EYS: variants seen among roughly 807,000 people sequenced by gnomAD.
EYS encodes protein eyes shut homolog.
EYS carries 250 observed loss-of-function variants against 282.1 expected under a neutral mutation model. The observed-to-expected ratio is 0.89, with a 90% confidence interval of 0.80 to 0.98. The LOEUF (loss-of-function observed/expected upper bound fraction) is 0.98. Ranked by LOEUF, EYS falls within the 50% of genes least tolerant of loss-of-function variation. The pLI, the probability that EYS is intolerant of heterozygous loss-of-function variation, is 0.00. For synonymous variants in EYS, 1,355 were observed against 1,282.9 expected, an observed-to-expected ratio of 1.06 and a Z score of -1.20; for missense variants, 4,016 against 3,709.0, an observed-to-expected ratio of 1.08 and a Z score of -2.15.
intron 2 of EYS, among the ~76,000 whole-genome samples, chr6:65,586,750 C>T (rs1765062394): frequency 6.6e-6 from 1 of 151,952 alleles, no homozygotes. Context: ...AAAATAAACC[C>T]ATTGACATAT....
At chr6:65,688,414 C>T (rs1277989876) in intron 1 of EYS, among the ~76,000 whole-genome samples, 1 of 152,100 alleles carries the variant, frequency 6.6e-6, no homozygotes, top group Non-Finnish European at 1.5e-5. Flanking sequence ...CTTCCTTACA[C>T]CTTATACAAA....
At chr6:63,754,403 T>C (rs1168797121) in intron 41 of EYS, among the ~76,000 whole-genome samples, 1 of 152,122 alleles carries the variant, frequency 6.6e-6, no homozygotes, top group African/African-American at 2.4e-5. Context: ...CCATGTGTTC[T>C]CATTGTTCAG....
intron 12 of EYS, among the ~76,000 whole-genome samples, chr6:65,071,711 A>C (rs1413576670): frequency 6.6e-6 from 1 of 151,862 alleles, no homozygotes; most frequent in Non-Finnish European, 1.5e-5. Flanking sequence ...GATAATTCTT[A>C]AATAGATGTG....
intron 2 of EYS, among the ~76,000 whole-genome samples, chr6:65,584,418 C>T (rs115923232): frequency 0.011 from 1,637 of 151,934 alleles, 23 homozygotes; most frequent in African/African-American, 0.025. Context: ...CTAGAACAGG[C>T]GGTATTTATG....
intron 26 of EYS, among the ~76,000 whole-genome samples, chr6:64,540,991 C>T (rs1040418564): frequency 2.0e-5 from 3 of 152,180 alleles, no homozygotes; most frequent in East Asian, 1.9e-4. Context: ...TGTTGCTCCA[C>T]GGCGGCTGAG....
intron 10 of EYS, among the ~76,000 whole-genome samples, chr6:65,342,086 C>T (rs1770218471): frequency 6.6e-6 from 1 of 150,940 alleles, no homozygotes; most frequent in Non-Finnish European, 1.5e-5. Context: ...TTGGCTTAAT[C>T]CTAAAGTTCT....
chr6:64,968,945 C>G (rs1030913070), intron 14 of EYS, among the ~76,000 whole-genome samples: 2 of 152,180 alleles, frequency 1.3e-5, no homozygotes, highest in African/African-American at 4.8e-5. Flanking sequence ...TTCAAGATAT[C>G]TCTAATGAGG....
At chr6:64,754,737 A>G (rs1772877621) in intron 22 of EYS, among the ~76,000 whole-genome samples, 1 of 152,154 alleles carries the variant, frequency 6.6e-6, no homozygotes. Flanking sequence ...GCATCTGATG[A>G]AATTCAGAAT....
chr6:64,901,227 C>T (rs1018342545), intron 18 of EYS, among the ~76,000 whole-genome samples: 3 of 147,652 alleles, frequency 2.0e-5, no homozygotes, highest in African/African-American at 7.6e-5. Context: ...ACATCACATA[C>T]TGGGGCCTGT....
intron 7 of EYS, among the ~76,000 whole-genome samples, chr6:65,397,880 G>A (rs960594784): frequency 6.6e-6 from 1 of 151,922 alleles, no homozygotes; most frequent in South Asian, 2.1e-4. Context: ...TCAACAGTGT[G>A]TAAGCATACC....
Position 64,686,890 on chromosome 6 carries a change from C to T in EYS, c.3444-60645G>A, listed in dbSNP as rs1329848286. 9.1e-3 allele frequency among the ~76,000 whole-genome samples: 528 copies of T among 57,852 alleles called. 182 individuals are homozygous for T. The highest frequency in any genetic ancestry group is 0.021 in the Non-Finnish European group (423 of 20,538). The allele number at this position is 57,852 out of a possible 152,430, so 38.0% of individuals were successfully genotyped here. On this transcript the variant is annotated intron_variant, in intron 22 of 42. Coordinates refer to ENST00000503581, the MANE Select transcript of EYS (RefSeq NM_001142800.2). ...ATACGTGTATATATATATACACACA[C>T]ATATATATGTGTATATATATACACA... is the stretch of plus-strand genomic sequence containing the variant.
chr6:64,009,548 T>C (rs950434686), intron 33 of EYS, among the ~76,000 whole-genome samples: 68 of 152,170 alleles, frequency 4.5e-4, no homozygotes, highest in African/African-American at 1.6e-3. Flanking sequence ...CCTCCGAAAG[T>C]GCTGGGATTA....
At chr6:64,656,063 C>T (rs1462863888) in intron 22 of EYS, among the ~76,000 whole-genome samples, 1 of 152,106 alleles carries the variant, frequency 6.6e-6, no homozygotes. Context: ...TTATGAACAA[C>T]ATTCAAGTAG....
intron 12 of EYS, among the ~76,000 whole-genome samples, chr6:65,061,694 A>T: frequency 6.6e-6 from 1 of 151,808 alleles, no homozygotes; most frequent in Non-Finnish European, 1.5e-5. Flanking sequence ...TTTCCTTTTA[A>T]TTGTTTAACT....
At chr6:64,010,754 A>G (rs1259446297) in intron 33 of EYS, among the ~76,000 whole-genome samples, 1 of 152,096 alleles carries the variant, frequency 6.6e-6, no homozygotes, top group Non-Finnish European at 1.5e-5. Context: ...ATCTTTTGAC[A>G]CTGAAACCGG....
At chr6:64,113,290 T>C (rs1426001974) in intron 31 of EYS, among the ~76,000 whole-genome samples, 1 of 152,188 alleles carries the variant, frequency 6.6e-6, no homozygotes, top group Non-Finnish European at 1.5e-5. Context: ...ACTGCAGTAC[T>C]ATAACATAGG....
intron 35 of EYS, among the ~76,000 whole-genome samples, chr6:63,934,979 C>G (rs1008345232): frequency 6.6e-6 from 1 of 152,106 alleles, no homozygotes; most frequent in Non-Finnish European, 1.5e-5. Context: ...TCCAGAAACA[C>G]AGCCCCGCAC....
At chr6:65,172,378 C>A (rs936597531) in intron 12 of EYS, among the ~76,000 whole-genome samples, 2 of 151,262 alleles carry the variant, frequency 1.3e-5, no homozygotes, top group African/African-American at 4.8e-5. Context: ...GAAATTTTGA[C>A]AAAGGGGCAT....
chr6:65,706,151 T>C (rs545935404), intron 1 of EYS, among the ~76,000 whole-genome samples: 9 of 151,676 alleles, frequency 5.9e-5, no homozygotes, highest in Non-Finnish European at 1.3e-4. Context: ...GGCAGAATGA[T>C]TGATAGACAT....
Sources: allele counts gnomAD v4.1 joint callset (sites outside exome capture counted in the v4.1 genomes callset), GRCh38; gene constraint gnomAD v4.1.1; transcripts MANE v1.5; gene names NCBI Gene and HGNC (gene_info 2026-07-23, HGNC 2026-07-21).